Variants in SH3RF2 observed in about 807,000 individuals in gnomAD.
SH3RF2 encodes the protein SH3 domain containing ring finger 2.
In SH3RF2, 43 loss-of-function variants were observed where a neutral mutation model predicts 59.0. The ratio of observed to expected loss-of-function variants is 0.73; its 90% CI spans 0.57 to 0.94. SH3RF2 has a LOEUF of 0.94. SH3RF2 is among the 40% of genes least tolerant of loss of function. The pLI, the probability that SH3RF2 is intolerant of heterozygous loss-of-function variation, is 0.00. For missense variants in SH3RF2, 930 were observed against 940.1 expected (o/e 0.99, Z 0.14); for synonymous variants, 391 against 391.5 (o/e 1.00, Z 0.01).
chr5:145,994,257 C>T (rs1362108042), intron 2 of SH3RF2, among the ~76,000 whole-genome samples: 1 of 152,210 alleles, frequency 6.6e-6, no homozygotes, highest in Non-Finnish European at 1.5e-5. Flanking sequence ...TTCAACAAGT[C>T]TCTAGGAAGT....
intron 2 of SH3RF2, among the ~76,000 whole-genome samples, chr5:145,955,994 G>A (rs1025512765): frequency 6.6e-6 from 1 of 152,154 alleles, no homozygotes. Context: ...AAAAGGGTAA[G>A]TTAAGATAAA....
chr5:146,072,313 T>C (rs1025793642), intron 9 of SH3RF2, among the ~76,000 whole-genome samples: 1 of 152,076 alleles, frequency 6.6e-6, no homozygotes. Flanking sequence ...GTGGTAGCTG[T>C]TGGAGAAGTT....
At chr5:146,020,531 G>C (rs908481812) in intron 5 of SH3RF2, among the ~76,000 whole-genome samples, 2 of 152,074 alleles carry the variant, frequency 1.3e-5, no homozygotes, top group Admixed American at 1.3e-4. Flanking sequence ...TATTTTTCAA[G>C]GAAGCTCTTG....
chr5:146,068,258 C>G (rs147792982), downstream of SH3RF2, among the ~76,000 whole-genome samples: 537 of 152,346 alleles, frequency 3.5e-3, 3 homozygotes, highest in African/African-American at 0.013. Context: ...CTCATCTTCT[C>G]ACCCACGTCT....
chr5:146,057,928 GTCTCTCTCTCTCTCTCTC>G (rs58826823), intron 8 of SH3RF2, among the ~76,000 whole-genome samples: 47 of 133,178 alleles, frequency 3.5e-4, no homozygotes, highest in Non-Finnish European at 7.8e-5. Flanking sequence ...GGCTGTTAGT[GTCTCTCTCTCTCTCTCTC>G]TCTCTCTCTC....
At chr5:146,006,971 CG>C (rs1273359251) in intron 4 of SH3RF2, among the ~76,000 whole-genome samples, 1 of 152,150 alleles carries the variant, frequency 6.6e-6, no homozygotes, top group African/African-American at 2.4e-5. Context: ...CTAAATGCCT[CG>C]TTTCAGAAGT....
intron 9 of SH3RF2, 29 bp from the exon 10 acceptor site, chr5:146,062,397 G>A: frequency 6.2e-7 from 1 of 1,607,270 alleles, no homozygotes; most frequent in Non-Finnish European, 8.5e-7. Flanking sequence ...CACCTCACCT[G>A]TGTCCATTTC....
At position 145,937,894 on chromosome 5, in the gene SH3RF2, G is replaced by A; in HGVS notation, c.-35G>A. 1 of 1,585,292 alleles carries A rather than the reference G, an allele frequency of 6.3e-7. No individual in the cohort carries two copies. Among genetic ancestry groups the A allele is most frequent in the South Asian group, 1.2e-5 (1 of 85,358 alleles). The stretch of plus-strand genomic sequence containing the variant: ...CAACTGACCCTACCATGTGGACGCT[G>A]CTCCTCCAGGTGGGAACTGGAGTTT... On this transcript the variant is annotated 5_prime_UTR_variant, in exon 2 of 10. Coordinates refer to ENST00000359120, the MANE Select transcript of SH3RF2 (RefSeq NM_152550.4).
At chr5:145,971,666 G>A (rs1350772468) in intron 2 of SH3RF2, among the ~76,000 whole-genome samples, 1 of 152,202 alleles carries the variant, frequency 6.6e-6, no homozygotes, top group Non-Finnish European at 1.5e-5. Context: ...CATTCTATCA[G>A]TCAGTCCACA....
At chr5:145,963,236 CTGGATGAA>C (rs1383915361) in intron 2 of SH3RF2, among the ~76,000 whole-genome samples, 2 of 143,182 alleles carry the variant, frequency 1.4e-5, no homozygotes, top group South Asian at 2.3e-4. Flanking sequence ...AAAATAAATA[CTGGATGAA>C]TGGATGGATG....
chr5:146,025,324 TG>T (rs1443059141), intron 5 of SH3RF2, among the ~76,000 whole-genome samples: 1 of 152,264 alleles, frequency 6.6e-6, no homozygotes, highest in African/African-American at 2.4e-5. Context: ...CACTGCCAGC[TG>T]GGCTAATCTT....
At chr5:145,942,326 T>C (rs1228191808) in intron 2 of SH3RF2, among the ~76,000 whole-genome samples, 1 of 152,238 alleles carries the variant, frequency 6.6e-6, no homozygotes, top group African/African-American at 2.4e-5. Context: ...ACTTTCTCCC[T>C]ACCTTGCTAG....
At chr5:146,006,997 C>T (rs929601721) in intron 4 of SH3RF2, among the ~76,000 whole-genome samples, 6 of 152,258 alleles carry the variant, frequency 3.9e-5, no homozygotes, top group African/African-American at 1.4e-4. Context: ...CTTGTCACTC[C>T]CACTCACAGC....
At chr5:145,959,374 C>T (rs889756219) in intron 2 of SH3RF2, among the ~76,000 whole-genome samples, 15 of 152,088 alleles carry the variant, frequency 9.9e-5, no homozygotes, top group Admixed American at 9.2e-4. Flanking sequence ...ACAGAAACCA[C>T]CTCAAACTAG....
intron 2 of SH3RF2, among the ~76,000 whole-genome samples, chr5:145,996,696 A>G (rs968188236): frequency 1.3e-5 from 2 of 152,196 alleles, no homozygotes; most frequent in African/African-American, 4.8e-5. Flanking sequence ...CAGTATTCAG[A>G]CCCAGAAAGA....
chr5:146,029,171 G>C (rs567157145), intron 5 of SH3RF2, among the ~76,000 whole-genome samples: 1 of 152,156 alleles, frequency 6.6e-6, no homozygotes, highest in Non-Finnish European at 1.5e-5. Flanking sequence ...ATTGTTAATC[G>C]TTGTTACTTC....
intron 5 of SH3RF2, among the ~76,000 whole-genome samples, chr5:146,044,880 T>C (rs981537450): frequency 6.6e-6 from 1 of 152,126 alleles, no homozygotes; most frequent in African/African-American, 2.4e-5. Context: ...AGCCCACAGG[T>C]TACTGTCCTG....
intron 2 of SH3RF2, among the ~76,000 whole-genome samples, chr5:145,975,294 T>A (rs769948914): frequency 6.6e-6 from 1 of 152,210 alleles, no homozygotes; most frequent in East Asian, 1.9e-4. Flanking sequence ...TCAGCACTAG[T>A]CATTGGAAAC....
At chr5:145,974,976 G>T (rs1170893656) in intron 2 of SH3RF2, among the ~76,000 whole-genome samples, 1 of 152,210 alleles carries the variant, frequency 6.6e-6, no homozygotes, top group Non-Finnish European at 1.5e-5. Context: ...GATCACAGAT[G>T]AGTCTCATGT....
Sources: allele counts gnomAD v4.1 joint callset (sites outside exome capture counted in the v4.1 genomes callset), GRCh38; gene constraint gnomAD v4.1.1; transcripts MANE v1.5; gene names NCBI Gene and HGNC (gene_info 2026-07-23, HGNC 2026-07-21).